USP28: variants seen among roughly 807,000 people sequenced by gnomAD.
The protein encoded by USP28 is ubiquitin specific peptidase 28.
Under a neutral mutation model 145.0 loss-of-function variants are expected in USP28, and 113 were observed. The observed-to-expected ratio is 0.78, with a 90% CI of 0.67 to 0.91. The LOEUF (loss-of-function observed/expected upper bound fraction) is 0.91, where lower values mean the gene tolerates loss of function less well. Among genes scored for constraint, USP28 ranks in the 40% least tolerant of loss-of-function variants. The pLI, the probability that USP28 is intolerant of heterozygous loss-of-function variation, is 0.00. For missense variants in USP28, 1,201 were observed against 1,289.6 expected, an observed-to-expected ratio of 0.93 and a Z score of 1.05; for synonymous variants, 447 against 450.9, an observed-to-expected ratio of 0.99 and a Z score of 0.11.
At chr11:113,840,900 T>A (rs1256011887) in intron 4 of USP28, 143 bp from the exon 5 acceptor site, 1 of 1,036,712 alleles carries the variant, frequency 9.6e-7, no homozygotes, top group African/African-American at 1.6e-5. Context: ...TATAAGGAAC[T>A]GTAAGACTGT....
intron 13 of USP28, among the ~76,000 whole-genome samples, chr11:113,816,213 C>T (rs1405006412): frequency 6.6e-6 from 1 of 152,004 alleles, no homozygotes. Context: ...TTTACTTTGA[C>T]TTAAAAAAAA....
chr11:113,874,599 T>A (rs529723596), intron 1 of USP28: 2 of 1,288,584 alleles, frequency 1.6e-6, no homozygotes, highest in African/African-American at 3.0e-5. Context: ...GGCACAGATT[T>A]CCCGTTTTCT....
chr11:113,829,011 T>C (rs113878316), intron 10 of USP28, 186 bp downstream of exon 10: 2 of 787,690 alleles, frequency 2.5e-6, no homozygotes, highest in African/African-American at 1.7e-5. Flanking sequence ...ATAGTTTTAG[T>C]AAAAATTATT....
At chr11:113,832,725 CAT>C (rs1404975851) in intron 7 of USP28, among the ~76,000 whole-genome samples, 2 of 152,038 alleles carry the variant, frequency 1.3e-5, no homozygotes, top group African/African-American at 2.4e-5. Context: ...GAAAAAAAAT[CAT>C]ATGAGGAAGA....
At chr11:113,854,202 TA>T (rs1340818255) in intron 2 of USP28, 55 bp downstream of exon 2, 2 of 1,494,158 alleles carry the variant, frequency 1.3e-6, no homozygotes, top group Non-Finnish European at 1.8e-6. Context: ...CTGACATAAC[TA>T]TAATATAGAC....
At chr11:113,863,945 GA>G (rs200830316) in intron 1 of USP28, among the ~76,000 whole-genome samples, 1,403 of 115,086 alleles carry the variant, frequency 0.012, 24 homozygotes, top group African/African-American at 0.043. Flanking sequence ...ACTCCGTCTC[GA>G]AAAAAAAAAT....
intron 1 of USP28, chr11:113,874,575 G>C: frequency 7.8e-7 from 1 of 1,288,796 alleles, no homozygotes; most frequent in African/African-American, 1.5e-5. Flanking sequence ...CTCCAAACTC[G>C]TATTTGAACA....
At chr11:113,842,586 GAAA>G (rs752642622) in intron 3 of USP28, among the ~76,000 whole-genome samples, 1 of 77,948 alleles carries the variant, frequency 1.3e-5, no homozygotes, top group African/African-American at 4.9e-5. Flanking sequence ...CTCCGTCTCA[GAAA>G]AAAAAAAAAA....
At chr11:113,863,827 C>T (rs1221571477) in intron 1 of USP28, among the ~76,000 whole-genome samples, 1 of 151,952 alleles carries the variant, frequency 6.6e-6, no homozygotes, top group Admixed American at 6.6e-5. Flanking sequence ...CGCCTGTAGT[C>T]CCAGCTACTC....
intron 4 of USP28, 130 bp from the exon 5 acceptor site, chr11:113,840,887 CTA>C: frequency 8.6e-7 from 1 of 1,167,490 alleles, no homozygotes; most frequent in Non-Finnish European, 1.2e-6. Context: ...TAATCCCTAG[CTA>C]TATAAGGAAC....
At chr11:113,819,496 A>C (rs1040601599) in intron 12 of USP28, among the ~76,000 whole-genome samples, 3 of 152,164 alleles carry the variant, frequency 2.0e-5, no homozygotes, top group Non-Finnish European at 4.4e-5. Context: ...ACAGACCATA[A>C]AAGTCATCTA....
intron 7 of USP28, among the ~76,000 whole-genome samples, chr11:113,833,009 G>C (rs1591316556): frequency 6.6e-6 from 1 of 152,150 alleles, no homozygotes; most frequent in Non-Finnish European, 1.5e-5. Flanking sequence ...AAAAGCTCCT[G>C]AACTCAGGTT....
chr11:113,852,367 C>A, intron 3 of USP28, 134 bp downstream of exon 3: 1 of 1,235,826 alleles, frequency 8.1e-7, no homozygotes, highest in Admixed American at 2.1e-5. Context: ...TGCCACATAG[C>A]AATAGCTCAG....
chr11:113,854,662 A>G (rs1191211399), intron 1 of USP28, among the ~76,000 whole-genome samples: 1 of 152,194 alleles, frequency 6.6e-6, no homozygotes, highest in Non-Finnish European at 1.5e-5. Context: ...GGCCTCCCAA[A>G]GTCCGCTGGG....
At chr11:113,813,733 T>C in intron 15 of USP28, 152 bp downstream of exon 15, 1 of 686,162 alleles carries the variant, frequency 1.5e-6, no homozygotes, top group Non-Finnish European at 2.5e-6. Flanking sequence ...TAGCCTAAAA[T>C]AAAGAAACAG....
At chr11:113,801,709 A>C in intron 23 of USP28, 31 bp from the exon 25 acceptor site, 1 of 1,527,918 alleles carries the variant, frequency 6.5e-7, no homozygotes, top group East Asian at 2.3e-5. Context: ...TAGGTGGGGA[A>C]GAGTCTGAAA....
At chr11:113,846,432 A>G (rs1263180618) in intron 3 of USP28, among the ~76,000 whole-genome samples, 2 of 152,240 alleles carry the variant, frequency 1.3e-5, no homozygotes, top group African/African-American at 4.8e-5. Context: ...CAAATACTGT[A>G]TAAGTCCACT....
chr11:113,845,737 G>T (rs1945761400), intron 3 of USP28, among the ~76,000 whole-genome samples: 1 of 152,060 alleles, frequency 6.6e-6, no homozygotes, highest in South Asian at 2.1e-4. Flanking sequence ...ATCACACCTG[G>T]CTAATTTTTC....
In USP28 at chr11:113,813,970, A is replaced by G; in HGVS notation, c.1673-15T>C. Reference sequence around the variant, plus strand: ...AGTCTTTAAATCTGTTTGGAAAAAGAAAAACAAAAGCTTCACTAAAATGAT... The same window carrying G: ...AGTCTTTAAATCTGTTTGGAAAAAGGAAAACAAAAGCTTCACTAAAATGAT... On this transcript the variant is annotated splice_polypyrimidine_tract_variant and intron_variant, in intron 14 of 24. Coordinates refer to ENST00000003302, the Ensembl canonical transcript of USP28. The G allele has an allele frequency of 3.8e-6, 6 of 1,586,408 alleles. No homozygotes were observed. The highest frequency in any genetic ancestry group is 5.1e-6 in the Non-Finnish European group (6 of 1,165,230).
Sources: allele counts gnomAD v4.1 joint callset (sites outside exome capture counted in the v4.1 genomes callset), GRCh38; gene constraint gnomAD v4.1.1; transcripts MANE v1.5; gene names NCBI Gene and HGNC (gene_info 2026-07-23, HGNC 2026-07-21).